CSMD2: variants seen among roughly 807,000 people sequenced by gnomAD.
CSMD2 encodes the protein CUB and Sushi multiple domains 2, also known as CUB and sushi domain-containing protein 2.
In CSMD2, 130 loss-of-function variants were observed where a neutral mutation model predicts 398.5. That is an observed-to-expected ratio of 0.33 (90% CI 0.28 to 0.38). The LOEUF (loss-of-function observed/expected upper bound fraction) is 0.38, where lower values mean the gene tolerates loss of function less well. CSMD2 is among the 10% of genes least tolerant of loss of function. The pLI is 1.00. For missense variants in CSMD2, 3,829 were observed against 4,764.9 expected (o/e 0.80, Z 5.78); for synonymous variants, 1,828 against 1,908.5 (o/e 0.96, Z 1.10).
At chr1:33,768,357 T>C (rs1289665388) in intron 13 of CSMD2, among the ~76,000 whole-genome samples, 1 of 152,170 alleles carries the variant, frequency 6.6e-6, no homozygotes, top group Non-Finnish European at 1.5e-5. Flanking sequence ...TACTGGTAGA[T>C]GACAGAGATG....
intron 1 of CSMD2, among the ~76,000 whole-genome samples, chr1:34,150,296 G>T (rs1640186390): frequency 6.6e-6 from 1 of 151,974 alleles, no homozygotes; most frequent in Non-Finnish European, 1.5e-5. Context: ...TGCTGCCCAG[G>T]TTGGTCTTGA....
chr1:33,905,414 G>A (rs945605684), intron 5 of CSMD2, among the ~76,000 whole-genome samples: 18 of 152,326 alleles, frequency 1.2e-4, no homozygotes, highest in African/African-American at 4.1e-4. Context: ...AAGAAGGACT[G>A]GTGATCAGTG....
At chr1:33,807,871 G>T (rs1480546507) in intron 10 of CSMD2, among the ~76,000 whole-genome samples, 1 of 152,068 alleles carries the variant, frequency 6.6e-6, no homozygotes, top group African/African-American at 2.4e-5. Context: ...TGAAAATCCA[G>T]CTATACACAA....
At chr1:33,930,647 C>T (rs1203563637) in intron 4 of CSMD2, among the ~76,000 whole-genome samples, 1 of 152,244 alleles carries the variant, frequency 6.6e-6, no homozygotes, top group Non-Finnish European at 1.5e-5. Context: ...GGCCAATGGC[C>T]CTCATAAATC....
chr1:33,798,650 C>T (rs74333577), intron 10 of CSMD2, among the ~76,000 whole-genome samples: 7,931 of 152,178 alleles, frequency 0.052, 292 homozygotes, highest in South Asian at 0.1. Flanking sequence ...ATGGTCAAGT[C>T]GATGGGAAGC....
chr1:33,779,193 C>T (rs971410562), intron 12 of CSMD2, among the ~76,000 whole-genome samples: 1 of 152,102 alleles, frequency 6.6e-6, no homozygotes, highest in South Asian at 2.1e-4. Context: ...CCCTTGCCTA[C>T]CCCTCCCACC....
intron 52 of CSMD2, among the ~76,000 whole-genome samples, chr1:33,568,898 G>A (rs1267442236): frequency 6.6e-6 from 1 of 152,150 alleles, no homozygotes; most frequent in Non-Finnish European, 1.5e-5. Flanking sequence ...GAGTGGATTA[G>A]CCATGGAGGA....
chr1:33,624,865 A>T lies in CSMD2; in HGVS notation c.5500+186T>A, dbSNP rs1414024998. ...TCCACGTGTGCCCCGTCCCCAGTAC[A>T]CCGGCTGTCTTCACACAGCCCACAG... On this transcript the variant is annotated intron_variant, in intron 34 of 70. Coordinates refer to ENST00000373381, the MANE Select transcript of CSMD2 (RefSeq NM_001281956.2). This position sits in a 1 kb window ranked among gnomAD's most constrained non-coding sequence, Gnocchi z 4.7. Among the ~76,000 whole-genome samples, 1 of 152,000 alleles carries T rather than the reference A, an allele frequency of 6.6e-6. No homozygotes were observed. Among genetic ancestry groups the T allele is most frequent in the African/African-American group, 2.4e-5 (1 of 41,368 alleles).
intron 20 of CSMD2, 93 bp downstream of exon 20, chr1:33,716,193 A>G (rs1646161187): frequency 9.4e-7 from 1 of 1,068,596 alleles, no homozygotes; most frequent in East Asian, 2.4e-5. Context: ...GTGGATTAAT[A>G]TCTATCTGCT....
Position 33,617,490 on chromosome 1 carries a change from G to A in CSMD2, c.5946+9C>T. The A allele has an allele frequency of 1.2e-6, 2 of 1,601,392 alleles. No individual in the cohort carries two copies. Among genetic ancestry groups the A allele is most frequent in the Non-Finnish European group, 1.7e-6 (2 of 1,168,454 alleles). ...CCTGTTTCCTGCTCTAGGGTGTCAG[G>A]GGAGGTACCTGGAGGGCATATCCCG... On this transcript the variant is annotated intron_variant, in intron 38 of 70. Coordinates refer to ENST00000373381, the MANE Select transcript of CSMD2 (RefSeq NM_001281956.2).
chr1:34,085,045 T>C (rs371062230), intron 2 of CSMD2, among the ~76,000 whole-genome samples: 3 of 152,022 alleles, frequency 2.0e-5, no homozygotes, highest in African/African-American at 7.2e-5. Flanking sequence ...GAATACTATG[T>C]AGCCATAAAA....
At chr1:33,706,829 T>C (rs1225084252) in intron 22 of CSMD2, among the ~76,000 whole-genome samples, 1 of 151,408 alleles carries the variant, frequency 6.6e-6, no homozygotes, top group Admixed American at 6.6e-5. Flanking sequence ...CGTGCGTGTG[T>C]ATGTGTGTGT....
At chr1:34,107,158 C>G (rs1326976065) in intron 1 of CSMD2, among the ~76,000 whole-genome samples, 2 of 152,212 alleles carry the variant, frequency 1.3e-5, no homozygotes, top group East Asian at 3.9e-4. Context: ...AAACAAGGAA[C>G]TACCATTGAG....
intron 10 of CSMD2, among the ~76,000 whole-genome samples, chr1:33,808,409 G>A (rs1486462787): frequency 6.6e-6 from 1 of 151,766 alleles, no homozygotes; most frequent in East Asian, 1.9e-4. Context: ...ACAGATCAAT[G>A]TTCCCTGACC....
chr1:33,718,755 T>G (rs149407599), intron 19 of CSMD2, among the ~76,000 whole-genome samples: 1 of 152,368 alleles, frequency 6.6e-6, no homozygotes, highest in Non-Finnish European at 1.5e-5. Flanking sequence ...TGCTACATTT[T>G]TTATAAATGA....
At chr1:34,116,507 A>C (rs2148457647) in intron 1 of CSMD2, among the ~76,000 whole-genome samples, 1 of 152,210 alleles carries the variant, frequency 6.6e-6, no homozygotes, top group Non-Finnish European at 1.5e-5. Context: ...GCAAACATTG[A>C]CAGAATTAAA....
intron 10 of CSMD2, among the ~76,000 whole-genome samples, chr1:33,803,376 A>G (rs776036406): frequency 2.6e-5 from 4 of 152,296 alleles, no homozygotes; most frequent in Non-Finnish European, 4.4e-5. Context: ...TCCATCCAGT[A>G]TATCCAAATG....
chr1:33,562,321 C>T (rs1658642509), intron 53 of CSMD2, among the ~76,000 whole-genome samples: 2 of 152,126 alleles, frequency 1.3e-5, no homozygotes, highest in Admixed American at 6.5e-5. Flanking sequence ...TCTCTGGTGC[C>T]CCCATATAAG....
chr1:33,690,929 C>G (rs1477797047), intron 25 of CSMD2, among the ~76,000 whole-genome samples: 2 of 152,146 alleles, frequency 1.3e-5, no homozygotes, highest in African/African-American at 4.8e-5. Context: ...ATATATGCAA[C>G]AGGTAATGGA....
Sources: allele counts gnomAD v4.1 joint callset (sites outside exome capture counted in the v4.1 genomes callset), GRCh38; gene constraint gnomAD v4.1.1; non-coding constraint Gnocchi (gnomAD v3.1); transcripts MANE v1.5; gene names NCBI Gene and HGNC (gene_info 2026-07-23, HGNC 2026-07-21).